Variants in CD86 observed in about 807,000 individuals in gnomAD.
The protein encoded by CD86 is CD86 molecule.
In CD86, 11 loss-of-function variants were observed where a neutral mutation model predicts 32.1. The observed-to-expected ratio is 0.34, with a 90% CI of 0.22 to 0.57. The LOEUF (loss-of-function observed/expected upper bound fraction) is 0.57, where lower values mean the gene tolerates loss of function less well. Among genes scored for constraint, CD86 ranks in the 20% least tolerant of loss-of-function variants. CD86 has a pLI of 0.86. For missense variants in CD86, 359 were observed against 398.4 expected, an observed-to-expected ratio of 0.90 and a Z score of 0.84; for synonymous variants, 137 against 135.3, an observed-to-expected ratio of 1.01 and a Z score of -0.09.
Position 122,084,221 on chromosome 3 carries a change from A to G in CD86, c.15-7380A>G, listed in dbSNP as rs981757291. Among the ~76,000 whole-genome samples the G allele has an allele frequency of 3.3e-5, 5 of 152,192 alleles. 1 individual carries two copies. In the South Asian group the frequency reaches 6.2e-4, roughly 19 times the overall value. On this transcript the variant is annotated intron_variant, in intron 1 of 6. Coordinates refer to ENST00000330540, the MANE Select transcript of CD86 (RefSeq NM_175862.5). ...AGGCTGGTCTCAAACTCCTGACCTC[A>G]GGTAATCTGCCCACCTCGGCCTCCC...
chr3:122,115,625 A>AGCTACTCT (rs1202866512), intron 5 of CD86, among the ~76,000 whole-genome samples: 2 of 151,640 alleles, frequency 1.3e-5, no homozygotes, highest in Non-Finnish European at 1.5e-5. Flanking sequence ...CTGTAATCCC[A>AGCTACTCT]GCTACTCTGG....
At chr3:122,055,647 C>A in intron 1 of CD86, 144 bp downstream of exon 1, 1 of 734,754 alleles carries the variant, frequency 1.4e-6, no homozygotes, top group South Asian at 1.8e-5. Context: ...AGATCTTTGG[C>A]ACATAAAGGC....
chr3:122,096,222 T>C (rs576607643), intron 2 of CD86, among the ~76,000 whole-genome samples: 41 of 152,306 alleles, frequency 2.7e-4, no homozygotes, highest in African/African-American at 8.2e-4. Flanking sequence ...CATGCCACCA[T>C]GCCTGGCTAG....
chr3:122,099,527 C>A (rs1559909090), intron 2 of CD86, among the ~76,000 whole-genome samples: 2 of 152,188 alleles, frequency 1.3e-5, no homozygotes, highest in Non-Finnish European at 2.9e-5. Context: ...TGTCACCAGT[C>A]CGCACAACTG....
chr3:122,081,658 C>A (rs1243581746), intron 1 of CD86, among the ~76,000 whole-genome samples: 2 of 152,204 alleles, frequency 1.3e-5, no homozygotes, highest in Non-Finnish European at 2.9e-5. Flanking sequence ...GTGGCCCAGG[C>A]TAACAGCCCT....
At chr3:122,081,339 G>C (rs1360833327) in intron 1 of CD86, among the ~76,000 whole-genome samples, 1 of 152,142 alleles carries the variant, frequency 6.6e-6, no homozygotes. Context: ...CCAATGAAAA[G>C]CATCAAAAAG....
Position 122,103,451 on chromosome 3 carries a change from T to C in CD86, c.65-61T>C, listed in dbSNP as rs2073041345. The C allele has an allele frequency of 2.8e-6, 3 of 1,053,332 alleles. No individual in the cohort carries two copies. In the South Asian group the frequency reaches 4.6e-5, roughly 16 times the overall value. 65.2% of individuals were successfully genotyped at this position (1,053,332 alleles called of 1,614,324 possible). On this transcript the variant is annotated intron_variant, in intron 2 of 6. Coordinates refer to ENST00000330540, the MANE Select transcript of CD86 (RefSeq NM_175862.5). Reference sequence around the variant, plus strand: ...TATCTGGGTATTGTATAAAGAGAAATGGAGGTTTTTTCCCCTTTCCTCTTG... The same window carrying C: ...TATCTGGGTATTGTATAAAGAGAAACGGAGGTTTTTTCCCCTTTCCTCTTG...
intron 3 of CD86, 152 bp from the exon 4 acceptor site, chr3:122,106,046 A>G (rs779275170): frequency 1.1e-4 from 62 of 582,318 alleles, no homozygotes; most frequent in Non-Finnish European, 1.7e-4. Context: ...ATTATGTGGC[A>G]CTCACCTTGG....
chr3:122,057,163 TATC>T (rs2072250094), intron 1 of CD86, among the ~76,000 whole-genome samples: 1 of 152,242 alleles, frequency 6.6e-6, no homozygotes, highest in Non-Finnish European at 1.5e-5. Context: ...CTAGTGGTGA[TATC>T]ATCTTTCTGG....
In CD86 at chr3:122,066,282, A is replaced by T. The variant is rs902143663; in HGVS notation, c.14+10779A>T. ...AAGGTTGAATGGTTTCCACATTCTG[A>T]GGGTAAGGAATACGAGAGTGAATGA... is the stretch of plus-strand genomic sequence containing the variant. On this transcript the variant is annotated intron_variant, in intron 1 of 6. Transcript: ENST00000330540. Among the ~76,000 whole-genome samples the T allele has an allele frequency of 3.9e-5, 6 of 152,126 alleles. 1 individual carries two copies. Among genetic ancestry groups the T allele is most frequent in the Admixed American group, 2.6e-4 (4 of 15,264 alleles).
intron 1 of CD86, among the ~76,000 whole-genome samples, chr3:122,067,883 A>G (rs2072436355): frequency 6.6e-6 from 1 of 152,218 alleles, no homozygotes; most frequent in African/African-American, 2.4e-5. Context: ...AGTCTTCCAG[A>G]TAAAGCATGT....
intron 1 of CD86, among the ~76,000 whole-genome samples, chr3:122,067,187 C>T (rs867516001): frequency 2.5e-4 from 38 of 152,240 alleles, no homozygotes; most frequent in Non-Finnish European, 3.4e-4. Flanking sequence ...ATTGAATTCA[C>T]GCTTTGAAAG....
chr3:122,089,665 T>G (rs2072781813), intron 1 of CD86, among the ~76,000 whole-genome samples: 1 of 152,228 alleles, frequency 6.6e-6, no homozygotes, highest in Non-Finnish European at 1.5e-5. Flanking sequence ...CAACTATTCT[T>G]CAACCCTTTG....
chr3:122,106,861 C>CACACACACAT (rs2073100009), intron 4 of CD86, among the ~76,000 whole-genome samples: 1 of 151,916 alleles, frequency 6.6e-6, no homozygotes. Flanking sequence ...CACACACACA[C>CACACACACAT]ACACACACAC....
At chr3:122,117,947 A>C in intron 5 of CD86, 101 bp from the exon 6 acceptor site, 1 of 933,014 alleles carries the variant, frequency 1.1e-6, no homozygotes, top group Non-Finnish European at 1.7e-6. Flanking sequence ...AGTCACAACA[A>C]TTTCTCTCTC....
At chr3:122,107,930 T>C (rs897829149) in intron 4 of CD86, among the ~76,000 whole-genome samples, 1 of 152,252 alleles carries the variant, frequency 6.6e-6, no homozygotes, top group Non-Finnish European at 1.5e-5. Context: ...CAGTTGCTTC[T>C]CCTGTATCCT....
intron 5 of CD86, 117 bp from the exon 6 acceptor site, chr3:122,117,931 A>T (rs2107552485): frequency 3.7e-6 from 3 of 808,362 alleles, no homozygotes; most frequent in South Asian, 1.5e-5. Context: ...TCTCTTCCAT[A>T]TATAAAGTCA....
chr3:122,095,064 T>C (rs2072884811), intron 2 of CD86, among the ~76,000 whole-genome samples: 2 of 152,190 alleles, frequency 1.3e-5, no homozygotes, highest in African/African-American at 4.8e-5. Flanking sequence ...GCTCTCTTTT[T>C]GTCTGAGGGT....
At chr3:122,076,168 C>G (rs2072553490) in intron 1 of CD86, among the ~76,000 whole-genome samples, 1 of 152,090 alleles carries the variant, frequency 6.6e-6, no homozygotes, top group Non-Finnish European at 1.5e-5. Flanking sequence ...AATAGATTTA[C>G]TTAAAGTATG....
Sources: allele counts gnomAD v4.1 joint callset (sites outside exome capture counted in the v4.1 genomes callset), GRCh38; gene constraint gnomAD v4.1.1; transcripts MANE v1.5; gene names NCBI Gene and HGNC (gene_info 2026-07-23, HGNC 2026-07-21).